The following B3GAT1 variants were observed in gnomAD, a reference collection of about 807,000 sequenced individuals.
B3GAT1 encodes beta-1,3-glucuronyltransferase 1, also known as galactosylgalactosylxylosylprotein 3-beta-glucuronosyltransferase 1.
B3GAT1 carries 11 observed loss-of-function variants against 28.4 expected under a neutral mutation model. The observed-to-expected ratio is 0.39, with a 90% CI of 0.24 to 0.64. The LOEUF is 0.64. Among genes scored for constraint, B3GAT1 ranks in the 30% least tolerant of loss-of-function variants. The probability of loss-of-function intolerance (pLI) is 0.50; values close to 1 mark genes in which losing one functional copy is unlikely to be tolerated. For missense variants in B3GAT1, 375 were observed against 491.0 expected (o/e 0.76, Z 2.23); for synonymous variants, 255 against 223.1 (o/e 1.14, Z -1.27).
At position 134,400,094 on chromosome 11, in the gene B3GAT1, C is replaced by T. The variant is rs564902445; in HGVS notation, c.-282+11713G>A. ...TCTGTGGTTCTGGGTGAGGTGCTGG[C>T]GAGGGGAGACTCTCCTGGGCTCTGT... is the stretch of plus-strand genomic sequence containing the variant. On this transcript the variant is annotated intron_variant, in intron 1 of 5. Transcript: ENST00000312527. Among the ~76,000 whole-genome samples, 53 of 152,216 alleles carry T rather than the reference C, an allele frequency of 3.5e-4. 1 individual carries two copies. Among genetic ancestry groups the T allele is most frequent in the African/African-American group, 1.2e-3 (49 of 41,538 alleles).
intron 1 of B3GAT1, among the ~76,000 whole-genome samples, chr11:134,406,470 A>G (rs1410843688): frequency 1.6e-5 from 2 of 126,014 alleles, no homozygotes; most frequent in Non-Finnish European, 3.2e-5. Context: ...GTCAGGAATA[A>G]TCCCATCCTA....
At chr11:134,410,362 C>T (rs1293778301) in intron 1 of B3GAT1, among the ~76,000 whole-genome samples, 1 of 152,210 alleles carries the variant, frequency 6.6e-6, no homozygotes, top group Non-Finnish European at 1.5e-5. Flanking sequence ...GCTCCTGGCT[C>T]CAGTGCTGAA....
At chr11:134,404,850 C>T (rs1944698161) in intron 1 of B3GAT1, among the ~76,000 whole-genome samples, 1 of 152,200 alleles carries the variant, frequency 6.6e-6, no homozygotes, top group Non-Finnish European at 1.5e-5. Context: ...CTTCAGCTAC[C>T]ACGCAGAAAC....
chr11:134,402,911 TCAA>T (rs1565458772), intron 1 of B3GAT1, among the ~76,000 whole-genome samples: 2 of 146,376 alleles, frequency 1.4e-5, no homozygotes, highest in African/African-American at 2.5e-5. Flanking sequence ...AGACTCTGTT[TCAA>T]AAAAAAAAAA....
At chr11:134,384,447 G>A (rs913307169) in intron 2 of B3GAT1, 4 of 489,010 alleles carry the variant, frequency 8.2e-6, no homozygotes, top group African/African-American at 2.0e-5. Context: ...CTATTTGAGC[G>A]CAGTTGCCCA....
rs543782906 is a variant in B3GAT1, at chr11:134,406,091, C to T, written c.-282+5716G>A. ...GAGTTGCAGACGCAGCTGGGACCAG[C>T]GCCCGGGGGGCTCGTGGCAGCACAG... On this transcript the variant is annotated intron_variant, in intron 1 of 5. Coordinates refer to ENST00000312527, the MANE Select transcript of B3GAT1 (RefSeq NM_054025.3). Among the ~76,000 whole-genome samples the T allele has an allele frequency of 7.2e-5, 11 of 152,344 alleles. No homozygotes were observed. The East Asian group carries it at 1.2e-3, about 16-fold the overall frequency.
intron 1 of B3GAT1, among the ~76,000 whole-genome samples, chr11:134,399,119 A>G (rs1325457192): frequency 6.6e-6 from 1 of 152,126 alleles, no homozygotes. Flanking sequence ...CGCCTGCATG[A>G]TGGGAGCAAA....
In B3GAT1 at chr11:134,393,292, T is replaced by C. The variant is rs1251587516; in HGVS notation, c.-281-5352A>G. On this transcript the variant is annotated intron_variant, in intron 1 of 5. Coordinates refer to ENST00000312527, the MANE Select transcript of B3GAT1 (RefSeq NM_054025.3). This position sits in a 1 kb window ranked among gnomAD's most constrained non-coding sequence, Gnocchi z 4.0. ...GTAACTCGCAGAGCCAGTTGTCCCATAGATGATGTTTCCCCAGGACTGCAC... is the reference window on the plus strand; with the variant it reads ...GTAACTCGCAGAGCCAGTTGTCCCACAGATGATGTTTCCCCAGGACTGCAC... Among the ~76,000 whole-genome samples, 1 of 152,196 alleles carries C rather than the reference T, an allele frequency of 6.6e-6. No homozygotes were observed. The highest frequency in any genetic ancestry group is 1.9e-4 in the East Asian group (1 of 5,190).
chr11:134,401,420 C>CT (rs1029042936), intron 1 of B3GAT1, among the ~76,000 whole-genome samples: 2 of 152,260 alleles, frequency 1.3e-5, no homozygotes, highest in South Asian at 2.1e-4. Context: ...TTAAATAATG[C>CT]TTTTTTTGCA....
intron 1 of B3GAT1, among the ~76,000 whole-genome samples, chr11:134,406,638 A>G (rs936070831): frequency 5.3e-5 from 8 of 152,330 alleles, no homozygotes; most frequent in African/African-American, 1.9e-4. Flanking sequence ...ATTTTCAAAT[A>G]AAAAATAAAA....
chr11:134,403,870 A>G (rs1047054300), intron 1 of B3GAT1, among the ~76,000 whole-genome samples: 4 of 151,284 alleles, frequency 2.6e-5, no homozygotes, highest in Admixed American at 2.6e-4. Flanking sequence ...TTCAATTTCT[A>G]TGAGGTATCC....
At position 134,387,817 on chromosome 11, in the gene B3GAT1, C is replaced by A; in HGVS notation, c.-158G>T. The A allele has an allele frequency of 6.5e-7, 1 of 1,534,088 alleles. No individual in the cohort carries two copies. Among genetic ancestry groups the A allele is most frequent in the Non-Finnish European group, 8.7e-7 (1 of 1,145,382 alleles). On this transcript the variant is annotated 5_prime_UTR_variant, in exon 2 of 6. Transcript: ENST00000312527. Reference sequence around the variant, plus strand: ...GACAGAGCAGCTGAATGTTGGCTAGCAGGTCTTACCAGCACTCACAACCCA... The same window carrying A: ...GACAGAGCAGCTGAATGTTGGCTAGAAGGTCTTACCAGCACTCACAACCCA...
chr11:134,382,363 C>A (rs1944150472), intron 4 of B3GAT1, among the ~76,000 whole-genome samples: 3 of 152,110 alleles, frequency 2.0e-5, no homozygotes, highest in African/African-American at 7.2e-5. Flanking sequence ...ATGTGCATGT[C>A]TGTGCATGTT....
intron 1 of B3GAT1, chr11:134,392,112 G>C (rs1040347542): frequency 1.3e-5 from 2 of 152,244 alleles, no homozygotes; most frequent in African/African-American, 2.4e-5. Context: ...AAGATGAAGG[G>C]ATGTCCTATG....
rs979539228 is a variant in B3GAT1, at chr11:134,387,612, G to A, written c.48C>T (p.Pro16=). ...DILAIVLIVL[P]WTLLITVWHQ... ...GCCAGACAGTGATGAGCAGAGTCCA[G>A]GGCAGCACGATGAGGACGATCGCTA... is the stretch of plus-strand genomic sequence containing the variant. The change falls in exon 2 of 6, where the codon CCC becomes CCT. Residue 16 remains proline, a synonymous_variant. Transcript: ENST00000312527. 1 of 1,614,072 alleles carries A rather than the reference G, an allele frequency of 6.2e-7. No homozygotes were observed. Among genetic ancestry groups the A allele is most frequent in the Non-Finnish European group, 8.5e-7 (1 of 1,180,054 alleles).
Position 134,384,133 on chromosome 11 carries a change from G to GTCAAGCGGGGCCTCTTCCCTCCTGGCCT in B3GAT1, c.167_168insAGGCCAGGAGGGAAGAGGCCCCGCTTGA (p.Tyr56Ter), listed in dbSNP as rs1320781296. On this transcript the variant is annotated stop_gained and frameshift_variant, in exon 3 of 6. Transcript: ENST00000312527. LOFTEE classifies it high-confidence loss of function. ...CCACGATGTCGCGGTCAGACGTGCA[G>GTCAAGCGGGGCCTCTTCCCTCCTGGCCT]TACTCCCTGGGGTCGGCGCCGGGCG... 6.3e-7 allele frequency: 1 copy of GTCAAGCGGGGCCTCTTCCCTCCTGGCCT among 1,579,262 alleles called. No homozygotes were observed. The highest frequency in any genetic ancestry group is 1.7e-5 in the Admixed American group (1 of 59,378).
At chr11:134,391,225 A>G in intron 1 of B3GAT1, 1 of 152,266 alleles carries the variant, frequency 6.6e-6, no homozygotes, top group Non-Finnish European at 1.5e-5. Context: ...TTATAAGCAT[A>G]GTAGCAAAAT....
rs1565459298 is a variant in B3GAT1, at chr11:134,404,006, TATATATATATATATATATATA to T, written c.-282+7780_-282+7800del. The stretch of plus-strand genomic sequence containing the variant: ...CTTTATATATATATATATATATATA[TATATATATATATATATATATA>T]TATTTATTATACGTTAAGTTCTAGG... On this transcript the variant is annotated intron_variant, in intron 1 of 5. Transcript: ENST00000312527. Among the ~76,000 whole-genome samples, 174 of 94,254 alleles carry T rather than the reference TATATATATATATATATATATA, an allele frequency of 1.8e-3. 7 individuals carry two copies. The highest frequency in any genetic ancestry group is 6.5e-3 in the African/African-American group (164 of 25,166). 61.8% of individuals were successfully genotyped at this position (94,254 alleles called of 152,430 possible).
chr11:134,411,780 GCC>G lies in B3GAT1; in HGVS notation c.-282+25_-282+26del, dbSNP rs1162760963. On this transcript the variant is annotated intron_variant, in intron 1 of 5. Transcript: ENST00000312527. The surrounding 1 kb of genome is among the most constrained non-coding windows in gnomAD (Gnocchi z 6.0). ...AAAGGGGCTCTGTGCGCGGCGGGGC[GCC>G]CGCGGGGGCGCGGGGAGCACTGACC... 1 of 152,272 alleles carries G rather than the reference GCC, an allele frequency of 6.6e-6. No homozygotes were observed. Among genetic ancestry groups the G allele is most frequent in the African/African-American group, 2.4e-5 (1 of 41,410 alleles). 9.4% of individuals were successfully genotyped at this position (152,272 alleles called of 1,614,324 possible).
Sources: allele counts gnomAD v4.1 joint callset (sites outside exome capture counted in the v4.1 genomes callset), GRCh38; gene constraint gnomAD v4.1.1; non-coding constraint Gnocchi (gnomAD v3.1); transcripts MANE v1.5; gene names NCBI Gene and HGNC (gene_info 2026-07-23, HGNC 2026-07-21).